The following STK24 variants were observed in gnomAD, a reference collection of about 807,000 sequenced individuals.
STK24 encodes the protein serine/threonine-protein kinase 24.
STK24 carries 21 observed loss-of-function variants against 55.6 expected under a neutral mutation model. The ratio of observed to expected loss-of-function variants is 0.38; its 90% CI spans 0.27 to 0.54. STK24 has a LOEUF of 0.54. Ranked by LOEUF, STK24 falls within the 20% of genes least tolerant of loss-of-function variation. The probability of loss-of-function intolerance (pLI) is 0.79; values close to 1 mark genes in which losing one functional copy is unlikely to be tolerated. For missense variants in STK24, 383 were observed against 538.4 expected (o/e 0.71, Z 2.86); for synonymous variants, 200 against 215.2 (o/e 0.93, Z 0.62).
In STK24 at chr13:98,534,534, G is replaced by A. The variant is rs563495585; in HGVS notation, c.43-15061C>T. On this transcript the variant is annotated intron_variant, in intron 1 of 10. Coordinates refer to ENST00000539966, the MANE Select transcript of STK24 (RefSeq NM_001032296.4). ...AATTAGCTACAAGATTAGAAATTAT[G>A]GTTTAGGGGTCACGCAGGCCGGAGG... Among the ~76,000 whole-genome samples the A allele has an allele frequency of 4.6e-5, 7 of 152,278 alleles. 1 individual carries two copies. In the South Asian group the frequency reaches 1.5e-3, roughly 32 times the overall value.
chr13:98,550,860 C>T (rs1897140836), intron 1 of STK24, among the ~76,000 whole-genome samples: 1 of 151,850 alleles, frequency 6.6e-6, no homozygotes, highest in Admixed American at 6.6e-5. Flanking sequence ...AATGCTTTAA[C>T]AATAAAAGCA....
rs1892959257 is a variant in STK24 at position 98,447,960 on chromosome 13, C to T, written c.*5213G>A. ...AGGAGGTAGCGTTCTCCCCAGCAAC[C>T]AGAGGCCACCTCGCTCCTAACTGCT... is the stretch of plus-strand genomic sequence containing the variant. On this transcript the variant is annotated 3_prime_UTR_variant, in exon 11 of 11. Transcript: ENST00000539966. The T allele has an allele frequency of 2.1e-6, 1 of 487,760 alleles. No individual in the cohort carries two copies. The highest frequency in any genetic ancestry group is 3.6e-5 in the East Asian group (1 of 27,448). 30.2% of individuals were successfully genotyped at this position (487,760 alleles called of 1,614,324 possible).
intron 1 of STK24, 88 bp downstream of exon 1, chr13:98,576,657 G>A: frequency 3.3e-6 from 4 of 1,202,034 alleles, no homozygotes; most frequent in Non-Finnish European, 4.5e-6. Flanking sequence ...CCGGCCGGCT[G>A]AGCGTAGGGG....
rs56021612 is a variant in STK24 at position 98,448,737 on chromosome 13, G to GTGTT, written c.*4432_*4435dup. On this transcript the variant is annotated 3_prime_UTR_variant, in exon 11 of 11. Coordinates refer to ENST00000539966, the MANE Select transcript of STK24 (RefSeq NM_001032296.4). Reference sequence around the variant, plus strand: ...TGCATTTTACGAAGTGGACTTCCCGGTGTTTGTTTGTTTGTTTGCAATACA... The same window carrying GTGTT: ...TGCATTTTACGAAGTGGACTTCCCGGTGTTTGTTTGTTTGTTTGTTTGCAATACA... 1.2e-3 allele frequency: 192 copies of GTGTT among 157,648 alleles called. 1 individual carries two copies. The highest frequency in any genetic ancestry group is 3.2e-3 in the Middle Eastern group (1 of 312). 9.8% of individuals were successfully genotyped at this position (157,648 alleles called of 1,614,324 possible). A position where few individuals can be genotyped will look rare whatever the true frequency, so the allele number is the denominator to read the frequency against.
chr13:98,496,428 C>T (rs1895254417), intron 2 of STK24, among the ~76,000 whole-genome samples: 2 of 152,182 alleles, frequency 1.3e-5, no homozygotes, highest in South Asian at 4.1e-4. Flanking sequence ...GGCTACTGAG[C>T]AAAGAAACAG....
chr13:98,503,346 G>A (rs896540974), intron 2 of STK24, among the ~76,000 whole-genome samples: 3 of 152,128 alleles, frequency 2.0e-5, no homozygotes, highest in African/African-American at 7.2e-5. Context: ...GAAGATGAGG[G>A]CAGAAACCTG....
At chr13:98,518,618 CTAAAATGG>C (rs375931359) in intron 2 of STK24, among the ~76,000 whole-genome samples, 5 of 152,316 alleles carry the variant, frequency 3.3e-5, no homozygotes, top group African/African-American at 1.2e-4. Flanking sequence ...TCTACGATGT[CTAAAATGG>C]TAAAATGGTT....
intron 1 of STK24, among the ~76,000 whole-genome samples, chr13:98,547,518 A>G (rs1897057645): frequency 6.6e-6 from 1 of 152,198 alleles, no homozygotes; most frequent in Non-Finnish European, 1.5e-5. Flanking sequence ...GCTGCACTCC[A>G]GCCTAAGCGA....
At chr13:98,517,118 G>C (rs1319963990) in intron 2 of STK24, among the ~76,000 whole-genome samples, 1 of 152,170 alleles carries the variant, frequency 6.6e-6, no homozygotes, top group Non-Finnish European at 1.5e-5. Flanking sequence ...ATATTAGCTG[G>C]TATAAATCAC....
intron 1 of STK24, among the ~76,000 whole-genome samples, chr13:98,558,895 T>A (rs1224436944): frequency 6.7e-6 from 1 of 148,686 alleles, no homozygotes. Context: ...CTGGGCACGG[T>A]GGCTCACGCC....
chr13:98,516,470 C>A (rs1350020781), intron 2 of STK24, among the ~76,000 whole-genome samples: 1 of 152,238 alleles, frequency 6.6e-6, no homozygotes, highest in African/African-American at 2.4e-5. Context: ...GGCCAGCCTA[C>A]TGTGCACACA....
At chr13:98,531,872 G>C (rs1566389758) in intron 1 of STK24, among the ~76,000 whole-genome samples, 1 of 152,192 alleles carries the variant, frequency 6.6e-6, no homozygotes, top group African/African-American at 2.4e-5. Context: ...CAGTGCATCA[G>C]GAGAAAGACG....
intron 6 of STK24, among the ~76,000 whole-genome samples, chr13:98,464,477 A>C (rs560122868): frequency 6.9e-5 from 10 of 144,332 alleles, no homozygotes; most frequent in Non-Finnish European, 1.4e-4. Flanking sequence ...GACAAAATAT[A>C]TGTTCTGTGT....
intron 2 of STK24, among the ~76,000 whole-genome samples, chr13:98,506,634 C>T (rs540025498): frequency 6.6e-6 from 1 of 152,322 alleles, no homozygotes; most frequent in South Asian, 2.1e-4. Flanking sequence ...CTTGTGGACC[C>T]TGGCTAAGCT....
intron 3 of STK24, among the ~76,000 whole-genome samples, chr13:98,479,654 T>C (rs531298313): frequency 6.9e-4 from 105 of 152,274 alleles, no homozygotes; most frequent in African/African-American, 2.5e-3. Context: ...CAAAGTCACT[T>C]CCCCTCTCTA....
At chr13:98,511,537 C>G (rs535565191) in intron 2 of STK24, among the ~76,000 whole-genome samples, 2 of 152,354 alleles carry the variant, frequency 1.3e-5, no homozygotes, top group South Asian at 4.1e-4. Flanking sequence ...TCACCAAATT[C>G]TGGAAACACC....
At chr13:98,492,498 C>T (rs777850936) in intron 2 of STK24, among the ~76,000 whole-genome samples, 2 of 152,156 alleles carry the variant, frequency 1.3e-5, no homozygotes, top group African/African-American at 2.4e-5. Flanking sequence ...CGAATACCAC[C>T]GGCCCACCCC....
At chr13:98,548,289 C>T (rs1392054622) in intron 1 of STK24, among the ~76,000 whole-genome samples, 1 of 152,050 alleles carries the variant, frequency 6.6e-6, no homozygotes, top group Non-Finnish European at 1.5e-5. Flanking sequence ...TTTTTTAAAA[C>T]TGGACATAGT....
At chr13:98,558,064 C>G (rs551196535) in intron 1 of STK24, among the ~76,000 whole-genome samples, 1 of 152,114 alleles carries the variant, frequency 6.6e-6, no homozygotes, top group Non-Finnish European at 1.5e-5. Flanking sequence ...GCATTTTTTC[C>G]CATTGAAATG....
Sources: gnomAD v4.1 joint callset for allele counts (sites outside exome capture counted in the v4.1 genomes callset) on GRCh38, gnomAD v4.1.1 for gene constraint, MANE v1.5 for transcripts, NCBI Gene and HGNC (gene_info 2026-07-23, HGNC 2026-07-21) for gene names.